FZD2: variants seen among roughly 807,000 people sequenced by gnomAD.
The protein encoded by FZD2 is frizzled-2.
In FZD2, 17 loss-of-function variants were observed where a neutral mutation model predicts 36.7. The observed-to-expected ratio is 0.46, with a 90% confidence interval of 0.32 to 0.70. The LOEUF (loss-of-function observed/expected upper bound fraction) is 0.70, where lower values mean the gene tolerates loss of function less well. FZD2 is among the 30% of genes least tolerant of loss of function. The pLI is 0.04. For missense variants in FZD2, 525 were observed against 805.6 expected, an observed-to-expected ratio of 0.65 and a Z score of 4.22; for synonymous variants, 333 against 359.6, an observed-to-expected ratio of 0.93 and a Z score of 0.84.
chr17:44,558,214 G>A lies in FZD2; in HGVS notation c.526G>A (p.Ala176Thr). 1.4e-6 allele frequency: 2 copies of A among 1,426,922 alleles called. No homozygotes were observed. The highest frequency in any genetic ancestry group is 1.8e-6 in the Non-Finnish European group (2 of 1,095,974). 88.4% of individuals were successfully genotyped at this position (1,426,922 alleles called of 1,614,324 possible). A position where few individuals can be genotyped will look rare whatever the true frequency, so the allele number is the denominator to read the frequency against. The change falls in exon 1 of 1, where the codon GCC becomes ACC. Residue 176 changes from alanine (A) to threonine (T), a missense_variant. Ala to Thr is a moderately conservative substitution (Grantham distance 58). Coordinates refer to ENST00000315323, the MANE Select transcript of FZD2 (RefSeq NM_001466.4). This position sits in a 1 kb window ranked among gnomAD's most constrained non-coding sequence, Gnocchi z 9.3. ...TAPPPGLQPGAGGTPGGPGGG... is the reference protein window; with the variant it reads ...TAPPPGLQPGTGGTPGGPGGG... ...GCCGCCGCCGGGACTGCAGCCGGGT[G>A]CCGGGGGCACCCCGGGTGGCCCGGG...
chr17:44,558,748 C>T lies in FZD2; in HGVS notation c.1060C>T (p.Leu354=). ...GGTCATCCTGTCGCTCACCTGGTTCCTGGCAGCCGGCATGAAGTGGGGCCA... is the reference window on the plus strand; with the variant it reads ...GGTCATCCTGTCGCTCACCTGGTTCTTGGCAGCCGGCATGAAGTGGGGCCA... ...WWVILSLTWF[L]AAGMKWGHEA... Residue 354 remains leucine, a synonymous_variant, in exon 1 of 1, where the codon CTG becomes TTG. Coordinates refer to ENST00000315323, the MANE Select transcript of FZD2 (RefSeq NM_001466.4). The surrounding 1 kb of genome is among the most constrained non-coding windows in gnomAD (Gnocchi z 9.3). The T allele has an allele frequency of 6.2e-7, 1 of 1,614,258 alleles. No individual in the cohort carries two copies. The highest frequency in any genetic ancestry group is 8.5e-7 in the Non-Finnish European group (1 of 1,180,048).
In FZD2 at chr17:44,559,403, G is replaced by A. The variant is rs570631202; in HGVS notation, c.*17G>A. 11 of 1,563,522 alleles carry A rather than the reference G, an allele frequency of 7.0e-6. No homozygotes were observed. In the South Asian group the frequency reaches 1.3e-4, roughly 19 times the overall value. ...ACCGTGTGAGGGACGCCCCCAGGCC[G>A]GAACCGCGCGGCGCTTTCCTCCGCC... On this transcript the variant is annotated 3_prime_UTR_variant, in exon 1 of 1. Transcript: ENST00000315323. This position sits in a 1 kb window ranked among gnomAD's most constrained non-coding sequence, Gnocchi z 4.4.
Position 44,559,201 on chromosome 17 carries a change from C to G in FZD2, c.1513C>G (p.Pro505Ala). 1 of 1,613,962 alleles carries G rather than the reference C, an allele frequency of 6.2e-7. No homozygotes were observed. The highest frequency in any genetic ancestry group is 8.5e-7 in the Non-Finnish European group (1 of 1,180,004). The stretch of plus-strand genomic sequence containing the variant: ...CCAGCACTGCAAGAGCCTGGCCATC[C>G]CGTGCCCGGCGCACTACACGCCGCG... Reference protein sequence around the residue: ...VSQHCKSLAIPCPAHYTPRMS... With the variant: ...VSQHCKSLAIACPAHYTPRMS... Residue 505 changes from proline (P) to alanine (A), a missense_variant, in exon 1 of 1, where the codon CCG becomes GCG. Pro to Ala is a conservative substitution (Grantham distance 27, BLOSUM62 -1). Coordinates refer to ENST00000315323, the MANE Select transcript of FZD2 (RefSeq NM_001466.4). This position sits in a 1 kb window ranked among gnomAD's most constrained non-coding sequence, Gnocchi z 4.4.
In FZD2 at chr17:44,560,829, C is replaced by T. The variant is rs1970880171; in HGVS notation, c.*1443C>T. On this transcript the variant is annotated 3_prime_UTR_variant, in exon 1 of 1. Coordinates refer to ENST00000315323, the MANE Select transcript of FZD2 (RefSeq NM_001466.4). ...AACCTCCACTGCAGCGTTTCTCCTG[C>T]CTCAGCCTCCCAAGTAGCTGGGACT... 6.6e-6 allele frequency among the ~76,000 whole-genome samples: 1 copy of T among 152,214 alleles called. No individual in the cohort carries two copies. The highest frequency in any genetic ancestry group is 1.5e-5 in the Non-Finnish European group (1 of 68,048).
chr17:44,558,458 C>T lies in FZD2; in HGVS notation c.770C>T (p.Ala257Val). 1 of 1,587,078 alleles carries T rather than the reference C, an allele frequency of 6.3e-7. No individual in the cohort carries two copies. The highest frequency in any genetic ancestry group is 1.4e-5 in the African/African-American group (1 of 74,010). ...CTCACCTGGTCGGTGCTGTGCTGCGCTTCCACCTTCTTCACTGTCACCACG... is the reference window on the plus strand; with the variant it reads ...CTCACCTGGTCGGTGCTGTGCTGCGTTTCCACCTTCTTCACTGTCACCACG... The part of the protein sequence containing the change: ...WILTWSVLCC[A>V]STFFTVTTYL... The change falls in exon 1 of 1, where the codon GCT (alanine) becomes GTT (valine). Residue 257 changes from alanine (A) to valine (V), a missense_variant. Ala to Val is a moderately conservative substitution (Grantham distance 64, BLOSUM62 0). Transcript: ENST00000315323. This position sits in a 1 kb window ranked among gnomAD's most constrained non-coding sequence, Gnocchi z 9.3.
In FZD2 at chr17:44,557,683, G is replaced by T; in HGVS notation, c.-6G>T. The T allele has an allele frequency of 7.8e-7, 1 of 1,280,432 alleles. No homozygotes were observed. The highest frequency in any genetic ancestry group is 9.8e-7 in the Non-Finnish European group (1 of 1,015,844). 79.3% of individuals were successfully genotyped at this position (1,280,432 alleles called of 1,614,324 possible). On this transcript the variant is annotated 5_prime_UTR_variant, in exon 1 of 1. Transcript: ENST00000315323. The surrounding 1 kb of genome is among the most constrained non-coding windows in gnomAD (Gnocchi z 4.9). ...CCAAGGAGCCGGGTGGGGGGCGGCG[G>T]CCAGCATGCGGCCCCGCAGCGCCCT...
At position 44,560,172 on chromosome 17, in the gene FZD2, G is replaced by C. The variant is rs898945062; in HGVS notation, c.*786G>C. 3.9e-5 allele frequency among the ~76,000 whole-genome samples: 6 copies of C among 152,052 alleles called. No homozygotes were observed. The highest frequency in any genetic ancestry group is 3.3e-4 in the Admixed American group (5 of 15,248). ...TTCGCTGCACCAAGTGCTTCCAGTG[G>C]CCCAAAAATGCTTTTTGAAGTGTGT... On this transcript the variant is annotated 3_prime_UTR_variant, in exon 1 of 1. Transcript: ENST00000315323.
Position 44,559,225 on chromosome 17 carries a change from C to T in FZD2, c.1537C>T (p.Arg513Cys). The change falls in exon 1 of 1, where the codon CGC becomes TGC. Residue 513 changes from arginine (R) to cysteine (C), a missense_variant. This residue lies in a region of FZD2 where 189 missense variants were observed against 298.1 expected (regional missense o/e 0.63). Coordinates refer to ENST00000315323, the MANE Select transcript of FZD2 (RefSeq NM_001466.4). The surrounding 1 kb of genome is among the most constrained non-coding windows in gnomAD (Gnocchi z 4.4). The part of the protein sequence containing the change: ...AIPCPAHYTP[R>C]MSPDFTVYMI... ...CCCGTGCCCGGCGCACTACACGCCG[C>T]GCATGTCGCCCGACTTCACGGTCTA... is the stretch of plus-strand genomic sequence containing the variant. 3.1e-6 allele frequency: 5 copies of T among 1,614,050 alleles called. No homozygotes were observed. In the South Asian group the frequency reaches 5.5e-5, roughly 18 times the overall value.
At position 44,557,971 on chromosome 17, in the gene FZD2, A is replaced by G. The variant is rs1182259253; in HGVS notation, c.283A>G (p.Met95Val). ...CGAACTGCGCTTCTTCCTGTGCTCCATGTACGCACCCGTGTGCACCGTGCT... is the reference window on the plus strand; with the variant it reads ...CGAACTGCGCTTCTTCCTGTGCTCCGTGTACGCACCCGTGTGCACCGTGCT... ...SPELRFFLCSMYAPVCTVLEQ... is the reference protein window; with the variant it reads ...SPELRFFLCSVYAPVCTVLEQ... The change falls in exon 1 of 1, where the codon ATG (methionine) becomes GTG (valine). Residue 95 changes from methionine to valine, a missense_variant. Physicochemically the swap from Met to Val is conservative, Grantham distance 21. Around this residue, in one of 5 missense-constraint regions of FZD2, gnomAD observed 257 missense variants for 344.4 expected, o/e 0.75. Transcript: ENST00000315323. The surrounding 1 kb of genome is among the most constrained non-coding windows in gnomAD (Gnocchi z 4.9). The G allele has an allele frequency of 6.2e-7, 1 of 1,614,006 alleles. No individual in the cohort carries two copies. The highest frequency in any genetic ancestry group is 8.5e-7 in the Non-Finnish European group (1 of 1,179,966).
Position 44,557,610 on chromosome 17 carries a change from C to CAGCCGCAGCGA in FZD2, c.-79_-78insAGCCGCAGCGA, listed in dbSNP as rs1568104772. 1.1e-6 allele frequency: 1 copy of CAGCCGCAGCGA among 875,716 alleles called. No individual in the cohort carries two copies. Among genetic ancestry groups the CAGCCGCAGCGA allele is most frequent in the South Asian group, 3.7e-5 (1 of 26,982 alleles). 54.2% of individuals were successfully genotyped at this position (875,716 alleles called of 1,614,324 possible). A position where few individuals can be genotyped will look rare whatever the true frequency, so the allele number is the denominator to read the frequency against. On this transcript the variant is annotated 5_prime_UTR_variant, in exon 1 of 1. Coordinates refer to ENST00000315323, the MANE Select transcript of FZD2 (RefSeq NM_001466.4). The surrounding 1 kb of genome is among the most constrained non-coding windows in gnomAD (Gnocchi z 4.9). ...GGCGGCAGCCGCAGCGAGGAGGCGG[C>CAGCCGCAGCGA]GGGGAAGAAGCGCAGTCTCCGGGTT...
Position 44,558,253 on chromosome 17 carries a change from C to T in FZD2, c.565C>T (p.Pro189Ser), listed in dbSNP as rs904495986. The T allele has an allele frequency of 5.8e-5, 81 of 1,395,030 alleles. No individual in the cohort carries two copies. The highest frequency in any genetic ancestry group is 1.4e-4 in the Admixed American group (4 of 28,338). The allele number at this position is 1,395,030 out of a possible 1,614,324, so 86.4% of individuals were successfully genotyped here. Residue 189 changes from proline (P) to serine (S), a missense_variant, in exon 1 of 1, where the codon CCC becomes TCC. Transcript: ENST00000315323. The surrounding 1 kb of genome is among the most constrained non-coding windows in gnomAD (Gnocchi z 9.3). Reference sequence around the variant, plus strand: ...GGGTGGCCCGGGCGGCGGCGGCGCTCCCCCGCGCTACGCCACGCTGGAGCA... The same window carrying T: ...GGGTGGCCCGGGCGGCGGCGGCGCTTCCCCGCGCTACGCCACGCTGGAGCA... ...TPGGPGGGGA[P>S]PRYATLEHPF...
chr17:44,558,537 G>A lies in FZD2; in HGVS notation c.849G>A (p.Leu283=), dbSNP rs1970853783. 6.3e-7 allele frequency: 1 copy of A among 1,589,786 alleles called. No homozygotes were observed. The highest frequency in any genetic ancestry group is 1.4e-5 in the African/African-American group (1 of 73,988). The change falls in exon 1 of 1, where the codon CTG becomes CTA. Residue 283 remains leucine (L), a synonymous_variant. Transcript: ENST00000315323. The surrounding 1 kb of genome is among the most constrained non-coding windows in gnomAD (Gnocchi z 9.3). ...ACCCAGAGCGGCCTATCATTTTTCT[G>A]TCGGGCTGCTACACCATGGTGTCGG... ...FRYPERPIIF[L]SGCYTMVSVA...
Position 44,559,111 on chromosome 17 carries a change from A to G in FZD2, c.1423A>G (p.Ile475Val), listed in dbSNP as rs759841056. The G allele has an allele frequency of 2.5e-6, 4 of 1,614,066 alleles. No homozygotes were observed. The highest frequency in any genetic ancestry group is 1.1e-5 in the South Asian group (1 of 91,082). Residue 475 changes from isoleucine (I) to valine (V), a missense_variant, in exon 1 of 1, where the codon ATC (isoleucine) becomes GTC (valine). Coordinates refer to ENST00000315323, the MANE Select transcript of FZD2 (RefSeq NM_001466.4). This position sits in a 1 kb window ranked among gnomAD's most constrained non-coding sequence, Gnocchi z 4.4. ...FSVLYTVPAT[I>V]VIACYFYEQA... ...CGTGCTCTACACAGTGCCCGCCACC[A>G]TCGTCATCGCTTGCTACTTCTACGA...
Position 44,560,529 on chromosome 17 carries a change from G to A in FZD2, c.*1143G>A, listed in dbSNP as rs2144575586. Among the ~76,000 whole-genome samples, 2 of 144,826 alleles carry A rather than the reference G, an allele frequency of 1.4e-5. No homozygotes were observed. Among genetic ancestry groups the A allele is most frequent in the East Asian group, 2.0e-4 (1 of 4,912 alleles). ...TAGTTTTCCTTTGAGAAAAAGACTG[G>A]TTTATTTAAAATTTGTCCAGAAAAA... is the stretch of plus-strand genomic sequence containing the variant. On this transcript the variant is annotated 3_prime_UTR_variant, in exon 1 of 1. Transcript: ENST00000315323.
chr17:44,558,538 T>G lies in FZD2; in HGVS notation c.850T>G (p.Ser284Ala). Residue 284 changes from serine to alanine, a missense_variant, in exon 1 of 1, where the codon TCG becomes GCG. By Grantham distance (99) the Ser-to-Ala change is moderately conservative. This residue lies in a region of FZD2 where 257 missense variants were observed against 344.4 expected (regional missense o/e 0.75). Coordinates refer to ENST00000315323, the MANE Select transcript of FZD2 (RefSeq NM_001466.4). The surrounding 1 kb of genome is among the most constrained non-coding windows in gnomAD (Gnocchi z 9.3). ...CCCAGAGCGGCCTATCATTTTTCTG[T>G]CGGGCTGCTACACCATGGTGTCGGT... The part of the protein sequence containing the change: ...RYPERPIIFL[S>A]GCYTMVSVAY... 1 of 1,590,998 alleles carries G rather than the reference T, an allele frequency of 6.3e-7. No homozygotes were observed. Among genetic ancestry groups the G allele is most frequent in the South Asian group, 1.1e-5 (1 of 87,596 alleles).
In FZD2 at chr17:44,558,942, G is replaced by A. The variant is rs1970857810; in HGVS notation, c.1254G>A (p.Ala418=). 1 of 1,613,702 alleles carries A rather than the reference G, an allele frequency of 6.2e-7. No homozygotes were observed. The highest frequency in any genetic ancestry group is 1.1e-5 in the South Asian group (1 of 91,074). ...ACCCGCTGCGGGGCTTCGTGCTAGC[G>A]CCGCTCTTCGTGTACCTGTTCATCG... is the stretch of plus-strand genomic sequence containing the variant. ...SLDPLRGFVL[A]PLFVYLFIGT... Residue 418 remains alanine (A), a synonymous_variant, in exon 1 of 1, where the codon GCG becomes GCA. Transcript: ENST00000315323. The surrounding 1 kb of genome is among the most constrained non-coding windows in gnomAD (Gnocchi z 9.3).
chr17:44,557,635 T>TGGGGGC lies in FZD2; in HGVS notation c.-42_-37dup, dbSNP rs1301236234. On this transcript the variant is annotated 5_prime_UTR_variant, in exon 1 of 1. Transcript: ENST00000315323. The surrounding 1 kb of genome is among the most constrained non-coding windows in gnomAD (Gnocchi z 4.9). ...CGGGGAAGAAGCGCAGTCTCCGGGT[T>TGGGGGC]GGGGGCGGGGGCGGGGGGGGCGCCA... is the stretch of plus-strand genomic sequence containing the variant. 1.1e-5 allele frequency: 11 copies of TGGGGGC among 1,036,386 alleles called. No homozygotes were observed. The highest frequency in any genetic ancestry group is 4.9e-5 in the Admixed American group (1 of 20,206). 64.2% of individuals were successfully genotyped at this position (1,036,386 alleles called of 1,614,324 possible).
rs1380020562 is a variant in FZD2, at chr17:44,557,665, G to A, written c.-24G>A. The A allele has an allele frequency of 8.1e-7, 1 of 1,228,940 alleles. No homozygotes were observed. Among genetic ancestry groups the A allele is most frequent in the African/African-American group, 1.6e-5 (1 of 63,052 alleles). The allele number at this position is 1,228,940 out of a possible 1,614,324, so 76.1% of individuals were successfully genotyped here. A position where few individuals can be genotyped will look rare whatever the true frequency, so the allele number is the denominator to read the frequency against. ...GCGGGGGCGGGGGGGGCGCCAAGGAGCCGGGTGGGGGGCGGCGGCCAGCAT... is the reference window on the plus strand; with the variant it reads ...GCGGGGGCGGGGGGGGCGCCAAGGAACCGGGTGGGGGGCGGCGGCCAGCAT... On this transcript the variant is annotated 5_prime_UTR_variant, in exon 1 of 1. Coordinates refer to ENST00000315323, the MANE Select transcript of FZD2 (RefSeq NM_001466.4). This position sits in a 1 kb window ranked among gnomAD's most constrained non-coding sequence, Gnocchi z 4.9.
At position 44,558,098 on chromosome 17, in the gene FZD2, G is replaced by T. The variant is rs866001466; in HGVS notation, c.410G>T (p.Arg137Leu). 2 of 1,607,746 alleles carry T rather than the reference G, an allele frequency of 1.2e-6. No homozygotes were observed. Among genetic ancestry groups the T allele is most frequent in the Non-Finnish European group, 1.7e-6 (2 of 1,179,838 alleles). Reference protein sequence around the residue: ...KFGFQWPERLRCEHFPRHGAE... With the variant: ...KFGFQWPERLLCEHFPRHGAE... ...GGTTTTCAGTGGCCCGAGCGCCTGC[G>T]CTGCGAGCACTTCCCGCGCCACGGC... Residue 137 changes from arginine (R) to leucine (L), a missense_variant, in exon 1 of 1, where the codon CGC becomes CTC. This residue lies in a region of FZD2 where 257 missense variants were observed against 344.4 expected (regional missense o/e 0.75). Transcript: ENST00000315323. This position sits in a 1 kb window ranked among gnomAD's most constrained non-coding sequence, Gnocchi z 9.3.
Sources: allele counts gnomAD v4.1 joint callset (sites outside exome capture counted in the v4.1 genomes callset), GRCh38; gene constraint gnomAD v4.1.1; regional missense constraint gnomAD v4.1.1; non-coding constraint Gnocchi (gnomAD v3.1); transcripts MANE v1.5; gene names NCBI Gene and HGNC (gene_info 2026-07-23, HGNC 2026-07-21).